The following NOX4 variants were observed in gnomAD, a reference collection of about 807,000 sequenced individuals.
NOX4 encodes the protein kidney oxidase-1.
A neutral mutation model predicts 87.6 loss-of-function variants in NOX4; 69 were observed. The observed-to-expected ratio is 0.79, with a 90% CI of 0.65 to 0.96. The LOEUF (loss-of-function observed/expected upper bound fraction) is 0.96, where lower values mean the gene tolerates loss of function less well. NOX4 is among the 40% of genes least tolerant of loss of function. The pLI, the probability that NOX4 is intolerant of heterozygous loss-of-function variation, is 0.00. For missense variants in NOX4, 680 were observed against 681.5 expected (o/e 1.00, Z 0.02); for synonymous variants, 275 against 238.2 (o/e 1.15, Z -1.42).
At chr11:89,513,729 T>C in the NOX4 span, among the ~76,000 whole-genome samples, 7 of 152,022 alleles carry the variant, frequency 4.6e-5, no homozygotes, top group Non-Finnish European at 1.0e-4. Flanking sequence ...CTGTGATGTA[T>C]ATATTTTTAT....
chr11:89,346,762 G>T (rs1448721794), intron 13 of NOX4, among the ~76,000 whole-genome samples: 1 of 152,098 alleles, frequency 6.6e-6, no homozygotes, highest in African/African-American at 2.4e-5. Flanking sequence ...TTTATTGCTT[G>T]CTCATTAGTC....
chr11:89,415,386 T>C (rs1303862439), intron 8 of NOX4, among the ~76,000 whole-genome samples: 1 of 152,086 alleles, frequency 6.6e-6, no homozygotes, highest in Non-Finnish European at 1.5e-5. Flanking sequence ...AATGCAGTGA[T>C]TCTAACTCTA....
At chr11:89,388,074 G>C (rs1940840591) in intron 11 of NOX4, among the ~76,000 whole-genome samples, 1 of 152,154 alleles carries the variant, frequency 6.6e-6, no homozygotes, top group Non-Finnish European at 1.5e-5. Flanking sequence ...TAAATTTGTA[G>C]TTTGGACAAC....
the NOX4 span, among the ~76,000 whole-genome samples, chr11:89,572,451 CT>C: frequency 6.6e-6 from 1 of 152,144 alleles, no homozygotes; most frequent in East Asian, 1.9e-4. Flanking sequence ...TACATTATGA[CT>C]AGTGTTTGGC....
At chr11:89,510,262 C>T in the NOX4 span, among the ~76,000 whole-genome samples, 11 of 151,992 alleles carry the variant, frequency 7.2e-5, no homozygotes, top group Non-Finnish European at 1.6e-4. Context: ...GAAAATTCCT[C>T]ATAAATCATG....
At chr11:89,460,377 C>A (rs1221198516) in intron 2 of NOX4, among the ~76,000 whole-genome samples, 2 of 152,190 alleles carry the variant, frequency 1.3e-5, no homozygotes, top group East Asian at 1.9e-4. Flanking sequence ...AACAGGCAAC[C>A]TACGGAATGG....
chr11:89,454,606 A>G (rs544710246), intron 2 of NOX4, among the ~76,000 whole-genome samples: 3 of 152,242 alleles, frequency 2.0e-5, no homozygotes, highest in Non-Finnish European at 4.4e-5. Context: ...ATATTTCCAA[A>G]CTTACTGGCC....
the NOX4 span, among the ~76,000 whole-genome samples, chr11:89,551,872 T>C: frequency 6.6e-6 from 1 of 152,012 alleles, no homozygotes; most frequent in Non-Finnish European, 1.5e-5. Flanking sequence ...CTTGTGATGA[T>C]TTTCAAAAGG....
At chr11:89,582,640 T>C in the NOX4 span, among the ~76,000 whole-genome samples, 3 of 152,180 alleles carry the variant, frequency 2.0e-5, no homozygotes, top group African/African-American at 7.2e-5. Flanking sequence ...CTTTGTGACA[T>C]GTCTGTGACC....
chr11:89,365,754 A>C (rs1286455513), intron 12 of NOX4, among the ~76,000 whole-genome samples: 4 of 36,790 alleles, frequency 1.1e-4, no homozygotes, highest in African/African-American at 7.3e-4. Flanking sequence ...CCACGCCCAC[A>C]AAAAAAAAAA....
intron 2 of NOX4, among the ~76,000 whole-genome samples, chr11:89,484,255 C>A (rs1565346510): frequency 6.6e-6 from 1 of 151,994 alleles, no homozygotes; most frequent in Admixed American, 6.6e-5. Context: ...AGCTATATAT[C>A]ACAACGAGGT....
chr11:89,490,271 A>G (rs566849321), intron 2 of NOX4, among the ~76,000 whole-genome samples, 187 bp downstream of exon 2: 13 of 152,186 alleles, frequency 8.5e-5, no homozygotes, highest in Non-Finnish European at 1.5e-4. Context: ...TTCTTGAGAG[A>G]GTCAATCTTT....
intron 2 of NOX4, among the ~76,000 whole-genome samples, chr11:89,467,769 A>G (rs1395804864): frequency 6.6e-6 from 1 of 152,242 alleles, no homozygotes; most frequent in Non-Finnish European, 1.5e-5. Flanking sequence ...TATTCAGTCC[A>G]TAGCACAGAA....
intron 12 of NOX4, among the ~76,000 whole-genome samples, chr11:89,363,274 T>TA (rs1020730206): frequency 6.6e-6 from 1 of 152,098 alleles, no homozygotes; most frequent in Non-Finnish European, 1.5e-5. Flanking sequence ...TTTGCTCTGT[T>TA]ACATATATAT....
At chr11:89,580,960 G>T in the NOX4 span, among the ~76,000 whole-genome samples, 3 of 152,316 alleles carry the variant, frequency 2.0e-5, no homozygotes, top group East Asian at 5.8e-4. Flanking sequence ...CAATATTTTT[G>T]ATGACCTTCA....
intron 12 of NOX4, among the ~76,000 whole-genome samples, chr11:89,370,678 G>A (rs982432762): frequency 6.6e-6 from 1 of 151,926 alleles, no homozygotes; most frequent in African/African-American, 2.4e-5. Context: ...ATCATTTCAA[G>A]AAAAAACACT....
the NOX4 span, among the ~76,000 whole-genome samples, chr11:89,506,033 T>C: frequency 6.6e-6 from 1 of 151,754 alleles, no homozygotes; most frequent in Non-Finnish European, 1.5e-5. Flanking sequence ...ATGGTATTGA[T>C]AAACATAGAT....
At chr11:89,376,700 G>A (rs1168630639) in intron 11 of NOX4, among the ~76,000 whole-genome samples, 1 of 152,086 alleles carries the variant, frequency 6.6e-6, no homozygotes, top group African/African-American at 2.4e-5. Flanking sequence ...GACCAAGATG[G>A]TGAAACCCTG....
At chr11:89,497,721 A>G (rs1292765401) in intron 1 of NOX4, among the ~76,000 whole-genome samples, 1 of 152,126 alleles carries the variant, frequency 6.6e-6, no homozygotes, top group African/African-American at 2.4e-5. Context: ...GGCAAATCCC[A>G]TGTCTGTTTT....
Sources: gnomAD v4.1 joint callset for allele counts (sites outside exome capture counted in the v4.1 genomes callset) on GRCh38, gnomAD v4.1.1 for gene constraint, MANE v1.5 for transcripts, NCBI Gene and HGNC (gene_info 2026-07-23, HGNC 2026-07-21) for gene names.